FSTL5: variants seen among roughly 807,000 people sequenced by gnomAD.
FSTL5 encodes the protein follistatin like 5.
In FSTL5, 62 loss-of-function variants were observed where a neutral mutation model predicts 89.1. The observed-to-expected ratio is 0.70, with a 90% CI of 0.57 to 0.86. FSTL5 has a LOEUF of 0.86. FSTL5 is among the 40% of genes least tolerant of loss of function. The pLI is 0.00. For synonymous variants in FSTL5, 383 were observed against 346.2 expected (o/e 1.11, Z -1.18); for missense variants, 1,057 against 1,001.6 (o/e 1.06, Z -0.75).
At chr4:161,672,907 T>C (rs1400413532) in intron 6 of FSTL5, among the ~76,000 whole-genome samples, 6 of 152,038 alleles carry the variant, frequency 3.9e-5, no homozygotes, top group South Asian at 2.1e-4. Context: ...GTACTTCTCA[T>C]ACCATCATCT....
chr4:161,975,683 G>A (rs1304981540), intron 3 of FSTL5, among the ~76,000 whole-genome samples: 1 of 151,096 alleles, frequency 6.6e-6, no homozygotes, highest in East Asian at 1.9e-4. Context: ...CAGCGCACCA[G>A]CATGGCACAT....
Position 161,397,748 on chromosome 4 carries a change from A to G in FSTL5, c.1842-11299T>C, listed in dbSNP as rs575244920. Among the ~76,000 whole-genome samples the G allele has an allele frequency of 1.3e-4, 20 of 151,848 alleles. No homozygotes were observed. In the South Asian group the frequency reaches 3.7e-3, roughly 28 times the overall value. On this transcript the variant is annotated intron_variant, in intron 15 of 15. Coordinates refer to ENST00000306100, the MANE Select transcript of FSTL5 (RefSeq NM_020116.5). ...TTAAAAATAAACAATGGTTAAGGTAATCTAACAAATGAGAGAAAATATGAC... is the reference window on the plus strand; with the variant it reads ...TTAAAAATAAACAATGGTTAAGGTAGTCTAACAAATGAGAGAAAATATGAC...
chr4:162,113,824 C>G (rs536203321), intron 1 of FSTL5, among the ~76,000 whole-genome samples: 3 of 152,142 alleles, frequency 2.0e-5, no homozygotes, highest in Non-Finnish European at 4.4e-5. Context: ...GTTTTAGTTA[C>G]GCATTCCCAT....
At chr4:162,161,500 G>A (rs949661505) in intron 1 of FSTL5, among the ~76,000 whole-genome samples, 7 of 151,966 alleles carry the variant, frequency 4.6e-5, no homozygotes, top group African/African-American at 1.7e-4. Context: ...CAATCTCACT[G>A]AGTCAACCTT....
Position 161,680,226 on chromosome 4 carries a change from T to G in FSTL5, c.728-23732A>C, listed in dbSNP as rs4691780. Among the ~76,000 whole-genome samples the G allele has an allele frequency of 6.0e-3, 907 of 152,036 alleles. 9 individuals carry two copies. The highest frequency in any genetic ancestry group is 0.045 in the South Asian group (219 of 4,826). On this transcript the variant is annotated intron_variant, in intron 6 of 15. Transcript: ENST00000306100. ...TAGTGCTTTTAAATTGAAATTATTTTACTTAACAGGATACAAAGTGCAATG... is the reference window on the plus strand; with the variant it reads ...TAGTGCTTTTAAATTGAAATTATTTGACTTAACAGGATACAAAGTGCAATG...
chr4:161,764,437 T>C (rs991427322), intron 5 of FSTL5, among the ~76,000 whole-genome samples: 1 of 152,116 alleles, frequency 6.6e-6, no homozygotes, highest in African/African-American at 2.4e-5. Flanking sequence ...TTTTGTGTTT[T>C]TAGTAGAGAC....
chr4:162,083,714 T>G (rs180912745), intron 2 of FSTL5, among the ~76,000 whole-genome samples: 1 of 151,914 alleles, frequency 6.6e-6, no homozygotes, highest in African/African-American at 2.4e-5. Context: ...AACATCAATT[T>G]ATAATAGCAG....
At position 161,513,259 on chromosome 4, in the gene FSTL5, C is replaced by G. The variant is rs1013146945; in HGVS notation, c.1313-2835G>C. On this transcript the variant is annotated intron_variant, in intron 10 of 15. Transcript: ENST00000306100. Reference sequence around the variant, plus strand: ...ACTGAACTGAAGCACTGAACTGAACCAAACAAGGAGGGGGAGAGAGAGAGA... The same window carrying G: ...ACTGAACTGAAGCACTGAACTGAACGAAACAAGGAGGGGGAGAGAGAGAGA... Among the ~76,000 whole-genome samples, 17 of 114,770 alleles carry G rather than the reference C, an allele frequency of 1.5e-4. 2 individuals are homozygous for G. In the East Asian group the frequency reaches 2.0e-3, roughly 14 times the overall value. 75.3% of individuals were successfully genotyped at this position (114,770 alleles called of 152,430 possible).
At chr4:161,832,169 G>T (rs1465690126) in intron 4 of FSTL5, among the ~76,000 whole-genome samples, 1 of 152,042 alleles carries the variant, frequency 6.6e-6, no homozygotes, top group Non-Finnish European at 1.5e-5. Context: ...CCCTTCAAAT[G>T]AACAATGACT....
At chr4:161,441,374 T>A (rs71610963) in intron 15 of FSTL5, among the ~76,000 whole-genome samples, 12,632 of 152,140 alleles carry the variant, frequency 0.083, 736 homozygotes, top group African/African-American at 0.16. Flanking sequence ...GATATTGCCC[T>A]TCATTGTTAC....
At chr4:161,849,201 A>G (rs1731474433) in intron 4 of FSTL5, among the ~76,000 whole-genome samples, 1 of 152,128 alleles carries the variant, frequency 6.6e-6, no homozygotes, top group South Asian at 2.1e-4. Context: ...TTAAATCTGA[A>G]ACTAAGAAGA....
intron 4 of FSTL5, among the ~76,000 whole-genome samples, chr4:161,905,680 A>T (rs1733502362): frequency 6.6e-6 from 1 of 152,118 alleles, no homozygotes; most frequent in African/African-American, 2.4e-5. Context: ...ACCAGTAGGG[A>T]CCTCACTGAG....
intron 3 of FSTL5, among the ~76,000 whole-genome samples, chr4:161,996,152 T>C (rs534393499): frequency 2.6e-5 from 4 of 152,334 alleles, no homozygotes; most frequent in African/African-American, 9.6e-5. Context: ...ATCTCCATTC[T>C]ACAACAAGAA....
At chr4:161,753,654 T>TTTCG (rs200623380) in intron 6 of FSTL5, among the ~76,000 whole-genome samples, 2,315 of 152,300 alleles carry the variant, frequency 0.015, 27 homozygotes, top group Middle Eastern at 0.054. Context: ...TATTAGAAGC[T>TTTCG]TTCGATAAGT....
At chr4:161,868,719 G>T (rs1483176371) in intron 4 of FSTL5, among the ~76,000 whole-genome samples, 8 of 152,108 alleles carry the variant, frequency 5.3e-5, no homozygotes, top group Non-Finnish European at 2.9e-5. Context: ...GTTCATTAAT[G>T]CTACATTATC....
chr4:161,721,009 T>A (rs1158784940), intron 6 of FSTL5, among the ~76,000 whole-genome samples: 1 of 152,100 alleles, frequency 6.6e-6, no homozygotes, highest in Non-Finnish European at 1.5e-5. Flanking sequence ...CCGGGCGCGG[T>A]GGCTCACGCC....
intron 4 of FSTL5, among the ~76,000 whole-genome samples, chr4:161,891,197 C>A (rs1385960308): frequency 6.6e-6 from 1 of 152,020 alleles, no homozygotes; most frequent in African/African-American, 2.4e-5. Context: ...TTATTTGTCA[C>A]ATTTTGTTAA....
At chr4:161,389,998 A>C (rs1268034797) in intron 15 of FSTL5, among the ~76,000 whole-genome samples, 1 of 152,210 alleles carries the variant, frequency 6.6e-6, no homozygotes, top group African/African-American at 2.4e-5. Context: ...TAGAGAGATC[A>C]CATTGACAAT....
intron 7 of FSTL5, among the ~76,000 whole-genome samples, chr4:161,640,031 A>G (rs1168826928): frequency 1.3e-5 from 2 of 152,232 alleles, no homozygotes; most frequent in Admixed American, 6.5e-5. Flanking sequence ...AAATTTACAT[A>G]CAGAGAAAAC....
Sources: allele counts gnomAD v4.1 joint callset (sites outside exome capture counted in the v4.1 genomes callset), GRCh38; gene constraint gnomAD v4.1.1; transcripts MANE v1.5; gene names NCBI Gene and HGNC (gene_info 2026-07-23, HGNC 2026-07-21).